Variants in KIF13A observed in about 807,000 individuals in gnomAD.
KIF13A encodes kinesin family member 13A.
In KIF13A, 79 loss-of-function variants were observed where a neutral mutation model predicts 212.2. The ratio of observed to expected loss-of-function variants is 0.37; its 90% confidence interval spans 0.31 to 0.45. The LOEUF is 0.45. Among genes scored for constraint, KIF13A ranks in the 20% least tolerant of loss-of-function variants. The pLI is 1.00. For missense variants in KIF13A, 1,901 were observed against 2,209.0 expected (o/e 0.86, Z 2.79); for synonymous variants, 789 against 808.6 (o/e 0.98, Z 0.41).
At chr6:17,928,583 T>C (rs941759077) in intron 2 of KIF13A, among the ~76,000 whole-genome samples, 25 of 152,204 alleles carry the variant, frequency 1.6e-4, no homozygotes, top group African/African-American at 5.5e-4. Flanking sequence ...GTATCTATTA[T>C]GCTACAAGGA....
chr6:17,969,794 C>T (rs906956422), intron 2 of KIF13A, among the ~76,000 whole-genome samples: 7 of 152,156 alleles, frequency 4.6e-5, no homozygotes, highest in Admixed American at 3.9e-4. Flanking sequence ...TTTACTGACC[C>T]ACTAAAATTT....
Position 17,987,249 on chromosome 6 carries a change from G to T in KIF13A, c.56-105C>A. ...GGGCTCCGTCCCTGGAGGCGGCCGA[G>T]CCTGGAGACGGCGCCCCGGGCACCA... On this transcript the variant is annotated intron_variant, in intron 1 of 38. Coordinates refer to ENST00000259711, the MANE Select transcript of KIF13A (RefSeq NM_022113.6). This position sits in a 1 kb window ranked among gnomAD's most constrained non-coding sequence, Gnocchi z 7.7. 1.0e-6 allele frequency: 1 copy of T among 959,014 alleles called. No homozygotes were observed. Among genetic ancestry groups the T allele is most frequent in the Non-Finnish European group, 1.4e-6 (1 of 726,640 alleles). 59.4% of individuals were successfully genotyped at this position (959,014 alleles called of 1,614,324 possible).
In KIF13A at chr6:17,849,471, T is replaced by C; in HGVS notation, c.736A>G (p.Ser246Gly). The change falls in exon 9 of 39, where the codon AGT (serine) becomes GGT (glycine). Residue 246 changes from serine to glycine, a missense_variant. Around this residue, in one of 5 missense-constraint regions of KIF13A, gnomAD observed 506 missense variants for 637.4 expected, o/e 0.79. Coordinates refer to ENST00000259711, the MANE Select transcript of KIF13A (RefSeq NM_022113.6). The surrounding 1 kb of genome is among the most constrained non-coding windows in gnomAD (Gnocchi z 5.7). ...GCCAGGTCTACCAAGCTGACCTTAC[T>C]GACTTTCTCCCCGGAATTCTAGTTA... ...LQSGNSGEKV[S>G]KVSLVDLAGS... is the part of the protein sequence containing the mutation. 1 of 1,613,558 alleles carries C rather than the reference T, an allele frequency of 6.2e-7. No individual in the cohort carries two copies. Among genetic ancestry groups the C allele is most frequent in the Non-Finnish European group, 8.5e-7 (1 of 1,179,654 alleles).
intron 16 of KIF13A, among the ~76,000 whole-genome samples, chr6:17,823,170 G>A (rs1245081893): frequency 2.0e-5 from 3 of 151,614 alleles, no homozygotes; most frequent in Non-Finnish European, 4.4e-5. Flanking sequence ...CTGGGTAGCT[G>A]GGATTACAGG....
chr6:17,938,636 C>T (rs1655894685), intron 2 of KIF13A, among the ~76,000 whole-genome samples: 2 of 151,972 alleles, frequency 1.3e-5, no homozygotes, highest in Admixed American at 1.3e-4. Flanking sequence ...AATATCCTTC[C>T]AGAAATTTGA....
chr6:17,829,428 G>A lies in KIF13A; in HGVS notation c.1402-1058C>T, dbSNP rs1765243248. 1.3e-5 allele frequency among the ~76,000 whole-genome samples: 2 copies of A among 152,148 alleles called. No homozygotes were observed. The highest frequency in any genetic ancestry group is 4.8e-5 in the African/African-American group (2 of 41,440). The stretch of plus-strand genomic sequence containing the variant: ...ACAGGCCTCATGAAAGGTTCTCAGA[G>A]ACCCCAGATCACACTTTTAGAACTG... On this transcript the variant is annotated intron_variant, in intron 13 of 38. Coordinates refer to ENST00000259711, the MANE Select transcript of KIF13A (RefSeq NM_022113.6). The surrounding 1 kb of genome is among the most constrained non-coding windows in gnomAD (Gnocchi z 5.4).
At chr6:17,775,525 CA>C (rs1387273585) in intron 34 of KIF13A, among the ~76,000 whole-genome samples, 2 of 152,054 alleles carry the variant, frequency 1.3e-5, no homozygotes, top group South Asian at 2.1e-4. Flanking sequence ...TCAAATCTTA[CA>C]AAAAATTCTG....
intron 25 of KIF13A, among the ~76,000 whole-genome samples, chr6:17,790,177 G>A (rs1761409800): frequency 6.6e-6 from 1 of 152,248 alleles, no homozygotes; most frequent in African/African-American, 2.4e-5. Flanking sequence ...TGAGGCAGGA[G>A]GATCTCTTGA....
At position 17,837,406 on chromosome 6, in the gene KIF13A, CT is replaced by C; in HGVS notation, c.942+65del. The C allele has an allele frequency of 9.2e-7, 1 of 1,092,138 alleles. No individual in the cohort carries two copies. The highest frequency in any genetic ancestry group is 1.4e-6 in the Non-Finnish European group (1 of 729,630). The allele number at this position is 1,092,138 out of a possible 1,614,324, so 67.7% of individuals were successfully genotyped here. A position where few individuals can be genotyped will look rare whatever the true frequency, so the allele number is the denominator to read the frequency against. Reference sequence around the variant, plus strand: ...GGTATTTGGTTAGCTTTGTACACACCTTTACTCTGTCACATCTGGAATAGCC... The same window carrying C: ...GGTATTTGGTTAGCTTTGTACACACCTTACTCTGTCACATCTGGAATAGCC... On this transcript the variant is annotated intron_variant, in intron 10 of 38. Transcript: ENST00000259711. This position sits in a 1 kb window ranked among gnomAD's most constrained non-coding sequence, Gnocchi z 5.4.
chr6:17,813,618 C>A (rs1381550140), intron 17 of KIF13A, among the ~76,000 whole-genome samples: 1 of 152,196 alleles, frequency 6.6e-6, no homozygotes, highest in Non-Finnish European at 1.5e-5. Flanking sequence ...AAGTGCGTGA[C>A]TGTTGCGAGC....
chr6:17,766,633 C>A (rs9477521), intron 38 of KIF13A, among the ~76,000 whole-genome samples: 7,769 of 152,152 alleles, frequency 0.051, 246 homozygotes, highest in Non-Finnish European at 0.065. Context: ...TAGCTCACTG[C>A]AGCCTCAAAC....
chr6:17,852,056 G>C lies in KIF13A; in HGVS notation c.495-14C>G, dbSNP rs533869331. 1.4e-6 allele frequency: 2 copies of C among 1,382,596 alleles called. No individual in the cohort carries two copies. The highest frequency in any genetic ancestry group is 2.9e-5 in the Admixed American group (1 of 34,254). The allele number at this position is 1,382,596 out of a possible 1,614,324, so 85.6% of individuals were successfully genotyped here. On this transcript the variant is annotated splice_polypyrimidine_tract_variant and intron_variant, in intron 6 of 38. Coordinates refer to ENST00000259711, the MANE Select transcript of KIF13A (RefSeq NM_022113.6). Reference sequence around the variant, plus strand: ...GACTGTCTACTCCTGCGGGAGGGAGGAAAAAGGAATAAATGAATCACACCA... The same window carrying C: ...GACTGTCTACTCCTGCGGGAGGGAGCAAAAAGGAATAAATGAATCACACCA...
chr6:17,987,216 G>C lies in KIF13A; in HGVS notation c.56-72C>G. 1 of 1,311,486 alleles carries C rather than the reference G, an allele frequency of 7.6e-7. No homozygotes were observed. The highest frequency in any genetic ancestry group is 1.1e-6 in the Non-Finnish European group (1 of 946,796). 81.2% of individuals were successfully genotyped at this position (1,311,486 alleles called of 1,614,324 possible). A position where few individuals can be genotyped will look rare whatever the true frequency, so the allele number is the denominator to read the frequency against. ...TCCAGCCCGCCCGCCCGCCAGCCGC[G>C]CCGAGCGGGGCTCCGTCCCTGGAGG... is the stretch of plus-strand genomic sequence containing the variant. On this transcript the variant is annotated intron_variant, in intron 1 of 38. Coordinates refer to ENST00000259711, the MANE Select transcript of KIF13A (RefSeq NM_022113.6). The surrounding 1 kb of genome is among the most constrained non-coding windows in gnomAD (Gnocchi z 7.7).
intron 2 of KIF13A, among the ~76,000 whole-genome samples, chr6:17,924,345 T>A (rs920599521): frequency 5.9e-5 from 9 of 152,206 alleles, no homozygotes; most frequent in African/African-American, 1.9e-4. Flanking sequence ...CAATCTCTAG[T>A]CGTGGACTTG....
At chr6:17,840,435 C>A (rs1349102537) in intron 9 of KIF13A, among the ~76,000 whole-genome samples, 8 of 151,946 alleles carry the variant, frequency 5.3e-5, no homozygotes, top group African/African-American at 1.7e-4. Context: ...GGAAACAATT[C>A]TTTGAACTAT....
intron 2 of KIF13A, among the ~76,000 whole-genome samples, chr6:17,902,332 G>A (rs1315409734): frequency 6.6e-6 from 1 of 152,138 alleles, no homozygotes; most frequent in Admixed American, 6.5e-5. Flanking sequence ...AAGTATTCAA[G>A]TATTAGTATT....
intron 16 of KIF13A, among the ~76,000 whole-genome samples, chr6:17,819,041 C>G (rs1354253997): frequency 6.8e-6 from 1 of 147,532 alleles, no homozygotes; most frequent in Admixed American, 6.8e-5. Context: ...GCTCTGTTGC[C>G]CGGGCTGGAG....
At chr6:17,956,838 T>G (rs905528687) in intron 2 of KIF13A, among the ~76,000 whole-genome samples, 6 of 151,942 alleles carry the variant, frequency 3.9e-5, no homozygotes, top group African/African-American at 1.5e-4. Context: ...CCTTGCTGAG[T>G]TTCCCCACTC....
At chr6:17,977,734 G>C (rs1780706765) in intron 2 of KIF13A, among the ~76,000 whole-genome samples, 1 of 152,106 alleles carries the variant, frequency 6.6e-6, no homozygotes, top group Admixed American at 6.6e-5. Context: ...TAAGTTCTAG[G>C]ATACATGTGC....
Sources: gnomAD v4.1 joint callset for allele counts (sites outside exome capture counted in the v4.1 genomes callset) on GRCh38, gnomAD v4.1.1 for gene constraint, gnomAD v4.1.1 regional missense constraint, Gnocchi (gnomAD v3.1) non-coding constraint, MANE v1.5 for transcripts, NCBI Gene and HGNC (gene_info 2026-07-23, HGNC 2026-07-21) for gene names.